Variants in BIRC6 observed in about 807,000 individuals in gnomAD.
BIRC6 encodes the protein baculoviral IAP repeat containing 6, also known as dual E2 ubiquitin-conjugating enzyme/E3 ubiquitin-protein ligase BIRC6.
BIRC6 carries 98 observed loss-of-function variants against 503.3 expected under a neutral mutation model. The observed-to-expected ratio is 0.19, with a 90% CI of 0.17 to 0.23. The LOEUF is 0.23. Ranked by LOEUF, BIRC6 falls within the 10% of genes least tolerant of loss-of-function variation. BIRC6 has a pLI of 1.00. For missense variants in BIRC6, 5,360 were observed against 5,806.0 expected (o/e 0.92, Z 2.50); for synonymous variants, 2,240 against 2,078.7 (o/e 1.08, Z -2.11).
chr2:32,358,138 C>G (rs889233133), intron 1 of BIRC6, among the ~76,000 whole-genome samples: 1 of 152,058 alleles, frequency 6.6e-6, no homozygotes, highest in African/African-American at 2.4e-5. Flanking sequence ...CTGCGGACGC[C>G]GAAGACGACT....
chr2:32,518,800 G>T lies in BIRC6; in HGVS notation c.11494-17G>T. 2 of 1,607,722 alleles carry T rather than the reference G, an allele frequency of 1.2e-6. No individual in the cohort carries two copies. The highest frequency in any genetic ancestry group is 1.1e-5 in the South Asian group (1 of 90,152). ...CAAAAAGTTACTTCCTGATTTCTTT[G>T]ATTTCTTGATTTTCAGCTGTACAAA... On this transcript the variant is annotated splice_polypyrimidine_tract_variant and intron_variant, in intron 56 of 73. Coordinates refer to ENST00000421745, the MANE Select transcript of BIRC6 (RefSeq NM_016252.4).
rs138134062 is a variant in BIRC6, at chr2:32,432,488, G to A, written c.3249-1156G>A. On this transcript the variant is annotated intron_variant, in intron 12 of 73. Transcript: ENST00000421745. The stretch of plus-strand genomic sequence containing the variant: ...GCCTTTATAAAAGGTCAGGCATGGT[G>A]GCTCACATCTGTAATCCTAGCATTT... Among the ~76,000 whole-genome samples the A allele has an allele frequency of 9.7e-4, 147 of 152,226 alleles. 1 individual carries two copies. The East Asian group carries it at 0.026, about 27-fold the overall frequency.
At chr2:32,443,464 C>A in intron 19 of BIRC6, 27 bp from the exon 20 acceptor site, 1 of 1,510,370 alleles carries the variant, frequency 6.6e-7, no homozygotes, top group South Asian at 1.2e-5. Flanking sequence ...AATGTCTTTA[C>A]AATTTTTCTT....
At chr2:32,440,751 T>TTTTATTATTATTATTATTATTA (rs773312894) in intron 16 of BIRC6, among the ~76,000 whole-genome samples, 2 of 147,150 alleles carry the variant, frequency 1.4e-5, no homozygotes, top group Non-Finnish European at 3.0e-5. Context: ...TGTTTATTTA[T>TTTTATTATTATTATTATTATTA]TTATTATTAT....
chr2:32,492,131 T>C lies in BIRC6; in HGVS notation c.8340+573T>C, dbSNP rs71446072. ...TATATTTAGCATTTATAACATCTTT[T>C]AAAATCAAGATTATTCAAGATTATC... On this transcript the variant is annotated intron_variant, in intron 44 of 73. Coordinates refer to ENST00000421745, the MANE Select transcript of BIRC6 (RefSeq NM_016252.4). Among the ~76,000 whole-genome samples the C allele has an allele frequency of 7.7e-3, 1,168 of 152,236 alleles. 14 individuals carry two copies. The highest frequency in any genetic ancestry group is 0.011 in the Non-Finnish European group (768 of 67,956).
chr2:32,447,522 A>G (rs1213272040), intron 21 of BIRC6, among the ~76,000 whole-genome samples: 6 of 109,800 alleles, frequency 5.5e-5, no homozygotes, highest in Admixed American at 8.7e-5. Flanking sequence ...CTGGCCGGGC[A>G]GAGGGGTCCT....
intron 45 of BIRC6, among the ~76,000 whole-genome samples, chr2:32,496,726 T>A (rs922655792): frequency 2.0e-5 from 3 of 152,166 alleles, no homozygotes; most frequent in Non-Finnish European, 4.4e-5. Context: ...GCTTATTGAT[T>A]TTCCAGAAAA....
At position 32,357,597 on chromosome 2, in the gene BIRC6, G is replaced by C; in HGVS notation, c.325+111G>C. 1 of 1,465,692 alleles carries C rather than the reference G, an allele frequency of 6.8e-7. No individual in the cohort carries two copies. Among genetic ancestry groups the C allele is most frequent in the South Asian group, 1.3e-5 (1 of 74,658 alleles). 90.8% of individuals were successfully genotyped at this position (1,465,692 alleles called of 1,614,324 possible). ...GAGATGGCGAGAGGGCAGGGCTGGG[G>C]GTTCGGGCCCAGCCGTGAAGGGAGG... On this transcript the variant is annotated intron_variant, in intron 1 of 73. Transcript: ENST00000421745. This position sits in a 1 kb window ranked among gnomAD's most constrained non-coding sequence, Gnocchi z 4.9.
In BIRC6 at chr2:32,501,819, A is replaced by T. The variant is rs894481028; in HGVS notation, c.9138A>T (p.Lys3046Asn). The T allele has an allele frequency of 6.2e-7, 1 of 1,613,970 alleles. No homozygotes were observed. Among genetic ancestry groups the T allele is most frequent in the Non-Finnish European group, 8.5e-7 (1 of 1,179,866 alleles). Residue 3046 changes from lysine (K) to asparagine (N), a missense_variant, in exon 47 of 74, where the codon AAA becomes AAT. By Grantham distance (94) the Lys-to-Asn change is moderately conservative. Coordinates refer to ENST00000421745, the MANE Select transcript of BIRC6 (RefSeq NM_016252.4). Reference protein sequence around the residue: ...LFTILTTLSKKASTVHMMLQP... With the variant: ...LFTILTTLSKNASTVHMMLQP... ...CCATACTGACAACCCTTAGTAAAAA[A>T]GCTTCTACAGTCCACATGATGCTGC...
chr2:32,552,784 G>T (rs1011307713), intron 65 of BIRC6, among the ~76,000 whole-genome samples: 2 of 151,728 alleles, frequency 1.3e-5, no homozygotes, highest in African/African-American at 4.8e-5. Flanking sequence ...GTGACAGAGG[G>T]AAACCCTGTC....
chr2:32,370,201 A>G (rs904199059), intron 1 of BIRC6, among the ~76,000 whole-genome samples: 1 of 151,878 alleles, frequency 6.6e-6, no homozygotes, highest in Non-Finnish European at 1.5e-5. Flanking sequence ...ACCCCACAGC[A>G]AGTATCTTAC....
chr2:32,595,605 T>G (rs539933174), intron 68 of BIRC6, among the ~76,000 whole-genome samples: 2 of 152,376 alleles, frequency 1.3e-5, no homozygotes, highest in South Asian at 4.1e-4. Context: ...GCAAAAAGAT[T>G]ATATCAGTAC....
chr2:32,577,151 A>G (rs542563290), intron 66 of BIRC6, among the ~76,000 whole-genome samples: 2 of 152,116 alleles, frequency 1.3e-5, no homozygotes, highest in African/African-American at 4.8e-5. Flanking sequence ...AGAAGTGTCT[A>G]CTAAAACATC....
intron 66 of BIRC6, among the ~76,000 whole-genome samples, chr2:32,591,513 G>C (rs1324041560): frequency 6.6e-6 from 1 of 152,114 alleles, no homozygotes; most frequent in Non-Finnish European, 1.5e-5. Context: ...CTACACACTG[G>C]GGTGGTAAAT....
At chr2:32,546,617 A>G (rs1461417108) in intron 63 of BIRC6, among the ~76,000 whole-genome samples, 1 of 152,122 alleles carries the variant, frequency 6.6e-6, no homozygotes, top group Non-Finnish European at 1.5e-5. Flanking sequence ...AATTAATGGC[A>G]TAAGTGAGTT....
chr2:32,442,642 T>TA (rs2045548471), intron 19 of BIRC6, among the ~76,000 whole-genome samples, 187 bp downstream of exon 19: 1 of 152,226 alleles, frequency 6.6e-6, no homozygotes, highest in Non-Finnish European at 1.5e-5. Flanking sequence ...AGTGTCATGT[T>TA]AAATAAGTCT....
intron 64 of BIRC6, 123 bp downstream of exon 64, chr2:32,548,137 C>T: frequency 1.3e-6 from 1 of 793,008 alleles, no homozygotes. Flanking sequence ...GGTCCTTCTT[C>T]CCAGTGCATT....
intron 73 of BIRC6, 71 bp downstream of exon 73, chr2:32,611,653 C>T (rs1225124115): frequency 7.4e-7 from 1 of 1,342,738 alleles, no homozygotes; most frequent in East Asian, 2.7e-5. Context: ...ACCATGCCTA[C>T]CAGAAGATAA....
intron 68 of BIRC6, 81 bp downstream of exon 68, chr2:32,595,225 T>C (rs753025794): frequency 1.8e-4 from 145 of 814,082 alleles, no homozygotes; most frequent in Non-Finnish European, 2.6e-4. Context: ...TTTTAGCAAA[T>C]TAAAGATTTT....
Sources: allele counts gnomAD v4.1 joint callset (sites outside exome capture counted in the v4.1 genomes callset), GRCh38; gene constraint gnomAD v4.1.1; non-coding constraint Gnocchi (gnomAD v3.1); transcripts MANE v1.5; gene names NCBI Gene and HGNC (gene_info 2026-07-23, HGNC 2026-07-21).